The following TNFRSF8 variants were observed in gnomAD, a reference collection of about 807,000 sequenced individuals.
The protein encoded by TNFRSF8 is tumor necrosis factor receptor superfamily member 8.
TNFRSF8 carries 26 observed loss-of-function variants against 70.8 expected under a neutral mutation model. The ratio of observed to expected loss-of-function variants is 0.37; its 90% CI spans 0.27 to 0.51. TNFRSF8 has a LOEUF of 0.51. Ranked by LOEUF, TNFRSF8 falls within the 20% of genes least tolerant of loss-of-function variation. TNFRSF8 has a pLI of 0.94. For synonymous variants in TNFRSF8, 356 were observed against 339.2 expected (o/e 1.05, Z -0.54); for missense variants, 720 against 807.9 (o/e 0.89, Z 1.32).
At chr1:12,128,091 G>A (rs1003979559) in intron 12 of TNFRSF8, among the ~76,000 whole-genome samples, 3 of 152,358 alleles carry the variant, frequency 2.0e-5, no homozygotes, top group Non-Finnish European at 4.4e-5. Context: ...CTCCTGAGCC[G>A]TGGGTGGTGA....
At chr1:12,133,886 C>G (rs529890434) in intron 12 of TNFRSF8, among the ~76,000 whole-genome samples, 17 of 152,132 alleles carry the variant, frequency 1.1e-4, no homozygotes, top group Admixed American at 1.3e-4. Context: ...AACCTTGTTT[C>G]TACTAAAAAT....
chr1:12,129,268 A>C (rs987546298), intron 12 of TNFRSF8, among the ~76,000 whole-genome samples: 1 of 152,200 alleles, frequency 6.6e-6, no homozygotes, highest in Non-Finnish European at 1.5e-5. Context: ...AAGTATGAAG[A>C]ATTCATTTTG....
chr1:12,142,889 C>T lies in TNFRSF8; in HGVS notation c.*358C>T, dbSNP rs1273355659. ...CATCAGACCTTAACCACCAGGCCCA[C>T]AGCCCAGCGAGGGAGAGGTCGTGAG... On this transcript the variant is annotated 3_prime_UTR_variant, in exon 15 of 15. Transcript: ENST00000263932. This position sits in a 1 kb window ranked among gnomAD's most constrained non-coding sequence, Gnocchi z 5.0. 4 of 211,424 alleles carry T rather than the reference C, an allele frequency of 1.9e-5. No homozygotes were observed. The East Asian group carries it at 4.6e-4, about 24-fold the overall frequency. 13.1% of individuals were successfully genotyped at this position (211,424 alleles called of 1,614,324 possible).
In TNFRSF8 at chr1:12,108,812, CAAAT is replaced by C. The variant is rs1553156354; in HGVS notation, c.422-742_422-739del. 1.3e-5 allele frequency among the ~76,000 whole-genome samples: 2 copies of C among 152,014 alleles called. No individual in the cohort carries two copies. Among genetic ancestry groups the C allele is most frequent in the South Asian group, 2.1e-4 (1 of 4,810 alleles). ...TGGGCGACAGAGTAAGACTCTGTCT[CAAAT>C]AAATAAATAAACAAGTAAATAAAAT... On this transcript the variant is annotated intron_variant, in intron 4 of 14. Coordinates refer to ENST00000263932, the MANE Select transcript of TNFRSF8 (RefSeq NM_001243.5). This position sits in a 1 kb window ranked among gnomAD's most constrained non-coding sequence, Gnocchi z 4.0.
Position 12,138,892 on chromosome 1 carries a change from T to G in TNFRSF8, c.1543+456T>G, listed in dbSNP as rs1039399982. Among the ~76,000 whole-genome samples the G allele has an allele frequency of 9.9e-5, 14 of 141,408 alleles. No homozygotes were observed. Among genetic ancestry groups the G allele is most frequent in the African/African-American group, 4.1e-4 (14 of 34,354 alleles). 92.8% of individuals were successfully genotyped at this position (141,408 alleles called of 152,430 possible). On this transcript the variant is annotated intron_variant, in intron 14 of 14. Coordinates refer to ENST00000263932, the MANE Select transcript of TNFRSF8 (RefSeq NM_001243.5). The surrounding 1 kb of genome is among the most constrained non-coding windows in gnomAD (Gnocchi z 5.7). The stretch of plus-strand genomic sequence containing the variant: ...CCGTGGCTCAGAGGGTGAAGTGATT[T>G]TCCCCATTGCATGGCTACTAAGTGG...
chr1:12,112,081 T>A lies in TNFRSF8; in HGVS notation c.793+67T>A. ...GCATTTTTGAACCGTGAACTTCCAG[T>A]AACTACTCCCCCTTATGTTTGTGGG... is the stretch of plus-strand genomic sequence containing the variant. On this transcript the variant is annotated intron_variant, in intron 7 of 14. Transcript: ENST00000263932. The surrounding 1 kb of genome is among the most constrained non-coding windows in gnomAD (Gnocchi z 5.3). 1 of 1,162,148 alleles carries A rather than the reference T, an allele frequency of 8.6e-7. No individual in the cohort carries two copies. 72.0% of individuals were successfully genotyped at this position (1,162,148 alleles called of 1,614,324 possible).
intron 8 of TNFRSF8, among the ~76,000 whole-genome samples, chr1:12,122,548 G>A (rs1456519807): frequency 6.6e-6 from 1 of 151,840 alleles, no homozygotes; most frequent in Non-Finnish European, 1.5e-5. Context: ...TCAGGAGGCT[G>A]AGGCAGGAGA....
Position 12,137,558 on chromosome 1 carries a change from GTT to G in TNFRSF8, c.1336-662_1336-661del, listed in dbSNP as rs57661698. ...CATAGCTGTTTTTTTGTTTTTTTTT[GTT>G]TTTTTTTTGTTTTTTTTTTAGCATT... On this transcript the variant is annotated intron_variant, in intron 13 of 14. Coordinates refer to ENST00000263932, the MANE Select transcript of TNFRSF8 (RefSeq NM_001243.5). Among the ~76,000 whole-genome samples the G allele has an allele frequency of 4.4e-4, 60 of 135,228 alleles. No homozygotes were observed. The South Asian group carries it at 6.5e-3, about 15-fold the overall frequency. 88.7% of individuals were successfully genotyped at this position (135,228 alleles called of 152,430 possible). A position where few individuals can be genotyped will look rare whatever the true frequency, so the allele number is the denominator to read the frequency against.
chr1:12,108,532 T>C lies in TNFRSF8; in HGVS notation c.422-1034T>C, dbSNP rs192424238. ...GTGAAGAGTGTATGATTATAGTCAT[T>C]TGACTGGGCTGGGCACGGCAGCTTA... On this transcript the variant is annotated intron_variant, in intron 4 of 14. Transcript: ENST00000263932. This position sits in a 1 kb window ranked among gnomAD's most constrained non-coding sequence, Gnocchi z 4.0. Among the ~76,000 whole-genome samples, 207 of 152,224 alleles carry C rather than the reference T, an allele frequency of 1.4e-3. No homozygotes were observed. The highest frequency in any genetic ancestry group is 4.7e-3 in the African/African-American group (195 of 41,528).
chr1:12,084,377 G>A (rs1201113), intron 1 of TNFRSF8, 87 bp from the exon 2 acceptor site: 153,410 of 1,219,072 alleles, frequency 0.13, 10,690 homozygotes, highest in African/African-American at 0.24. Flanking sequence ...ACAAAGCTCC[G>A]TCTCAGGCCT....
rs998042220 is a variant in TNFRSF8 at position 12,138,417 on chromosome 1, G to T, written c.1524G>T (p.Glu508Asp). Residue 508 changes from glutamate to aspartate, a missense_variant, in exon 14 of 15, where the codon GAG becomes GAT. Coordinates refer to ENST00000263932, the MANE Select transcript of TNFRSF8 (RefSeq NM_001243.5). This position sits in a 1 kb window ranked among gnomAD's most constrained non-coding sequence, Gnocchi z 5.7. ...RDLPEPRVST[E>D]HTNNKIEKIY... ...TTCCTGAGCCCCGGGTGTCCACGGA[G>T]CACACCAATAACAAGATTGGTGAGT... The T allele has an allele frequency of 6.2e-7, 1 of 1,612,994 alleles. No individual in the cohort carries two copies. The highest frequency in any genetic ancestry group is 1.3e-5 in the African/African-American group (1 of 74,894).
chr1:12,089,713 T>A (rs1364216169), intron 2 of TNFRSF8, among the ~76,000 whole-genome samples: 1 of 152,078 alleles, frequency 6.6e-6, no homozygotes, highest in African/African-American at 2.4e-5. Flanking sequence ...TATCTGATAC[T>A]CCAGAGGGTA....
chr1:12,126,875 A>T (rs951061785), intron 12 of TNFRSF8, among the ~76,000 whole-genome samples: 1 of 152,204 alleles, frequency 6.6e-6, no homozygotes, highest in Non-Finnish European at 1.5e-5. Flanking sequence ...ACCTGCCTGC[A>T]ATCGGTGGCT....
rs1641926691 is a variant in TNFRSF8, at chr1:12,125,822, T to C, written c.1154-129T>C. On this transcript the variant is annotated intron_variant, in intron 10 of 14. Transcript: ENST00000263932. ...GCTGGATGAGATAAGAGCCTTGGCT[T>C]GGAAAGGACCTGTTGTTGTTAGCCA... is the stretch of plus-strand genomic sequence containing the variant. 3.8e-6 allele frequency: 3 copies of C among 784,208 alleles called. No individual in the cohort carries two copies. The African/African-American group carries it at 5.1e-5, about 13-fold the overall frequency. The allele number at this position is 784,208 out of a possible 1,614,324, so 48.6% of individuals were successfully genotyped here.
At chr1:12,121,843 G>A (rs1287241188) in intron 8 of TNFRSF8, among the ~76,000 whole-genome samples, 1 of 152,238 alleles carries the variant, frequency 6.6e-6, no homozygotes, top group East Asian at 1.9e-4. Context: ...CCATCAACTA[G>A]CGAACGGGTA....
At position 12,138,937 on chromosome 1, in the gene TNFRSF8, G is replaced by T. The variant is rs755654031; in HGVS notation, c.1543+501G>T. On this transcript the variant is annotated intron_variant, in intron 14 of 14. Transcript: ENST00000263932. The surrounding 1 kb of genome is among the most constrained non-coding windows in gnomAD (Gnocchi z 5.7). ...AAGTGGCACAGCTGGAACTCGTCCC[G>T]CATCTGCTGGGCCTTGAAGCCCGTG... is the stretch of plus-strand genomic sequence containing the variant. Among the ~76,000 whole-genome samples the T allele has an allele frequency of 1.3e-5, 2 of 152,148 alleles. No individual in the cohort carries two copies. The highest frequency in any genetic ancestry group is 2.1e-4 in the South Asian group (1 of 4,814).
chr1:12,064,213 G>T (rs1185318565), intron 1 of TNFRSF8, among the ~76,000 whole-genome samples: 3 of 152,164 alleles, frequency 2.0e-5, no homozygotes, highest in Non-Finnish European at 2.9e-5. Context: ...ATCCGCGTCC[G>T]GCAAAGCAAC....
In TNFRSF8 at chr1:12,063,590, G is replaced by A. The variant is rs201671441; in HGVS notation, c.-9G>A. 2 of 1,309,432 alleles carry A rather than the reference G, an allele frequency of 1.5e-6. No individual in the cohort carries two copies. The highest frequency in any genetic ancestry group is 2.0e-6 in the Non-Finnish European group (2 of 1,020,900). The allele number at this position is 1,309,432 out of a possible 1,614,324, so 81.1% of individuals were successfully genotyped here. ...CGGCCGCCAGGCCACCTCACGTCCG[G>A]CCCCGGGGATGCGCGTCCTCCTCGC... On this transcript the variant is annotated 5_prime_UTR_variant, in exon 1 of 15. Transcript: ENST00000263932. This position sits in a 1 kb window ranked among gnomAD's most constrained non-coding sequence, Gnocchi z 7.2.
In TNFRSF8 at chr1:12,063,403, C is replaced by T. The variant is rs1033231836; in HGVS notation, c.-196C>T. ...TACGGGAGAACTAAGGCTGAAACCTCGGAGGAACAACCACTTTTGAAGTGA... is the reference window on the plus strand; with the variant it reads ...TACGGGAGAACTAAGGCTGAAACCTTGGAGGAACAACCACTTTTGAAGTGA... On this transcript the variant is annotated 5_prime_UTR_variant, in exon 1 of 15. Transcript: ENST00000263932. The surrounding 1 kb of genome is among the most constrained non-coding windows in gnomAD (Gnocchi z 7.2). 1.2e-5 allele frequency: 5 copies of T among 408,846 alleles called. No individual in the cohort carries two copies. The highest frequency in any genetic ancestry group is 4.1e-5 in the African/African-American group (2 of 48,628). 25.3% of individuals were successfully genotyped at this position (408,846 alleles called of 1,614,324 possible). A position where few individuals can be genotyped will look rare whatever the true frequency, so the allele number is the denominator to read the frequency against.
Sources: allele counts gnomAD v4.1 joint callset (sites outside exome capture counted in the v4.1 genomes callset), GRCh38; gene constraint gnomAD v4.1.1; non-coding constraint Gnocchi (gnomAD v3.1); transcripts MANE v1.5; gene names NCBI Gene and HGNC (gene_info 2026-07-23, HGNC 2026-07-21).